Variants in CASZ1 observed in about 807,000 individuals in gnomAD.
CASZ1 encodes castor zinc finger 1.
CASZ1 carries 28 observed loss-of-function variants against 135.2 expected under a neutral mutation model. The ratio of observed to expected loss-of-function variants is 0.21; its 90% confidence interval spans 0.15 to 0.28. The LOEUF (loss-of-function observed/expected upper bound fraction) is 0.28, where lower values mean the gene tolerates loss of function less well. Ranked by LOEUF, CASZ1 falls within the 10% of genes least tolerant of loss-of-function variation. The pLI, the probability that CASZ1 is intolerant of heterozygous loss-of-function variation, is 1.00. For missense variants in CASZ1, 2,161 were observed against 2,453.3 expected (o/e 0.88, Z 2.52); for synonymous variants, 1,068 against 1,073.4 (o/e 0.99, Z 0.10).
chr1:10,763,637 A>G (rs190348756), intron 1 of CASZ1, among the ~76,000 whole-genome samples: 2 of 152,280 alleles, frequency 1.3e-5, no homozygotes, highest in African/African-American at 4.8e-5. Context: ...ATACTGGACT[A>G]AAGTAATTTG....
In CASZ1 at chr1:10,640,068, G is replaced by A. The variant is rs756544841; in HGVS notation, c.4163-9C>T. On this transcript the variant is annotated splice_polypyrimidine_tract_variant and intron_variant, in intron 20 of 20. Transcript: ENST00000377022. ...CATAGAGATGGTGTTCCCTGGGGAG[G>A]GGCAGGGAGGTCAGTGCAGAAGAGG... 3.8e-6 allele frequency: 6 copies of A among 1,599,572 alleles called. No individual in the cohort carries two copies. The highest frequency in any genetic ancestry group is 3.3e-5 in the South Asian group (3 of 90,540).
In CASZ1 at chr1:10,725,047, G is replaced by A. The variant is rs752413257; in HGVS notation, c.-76-19503C>T. ...GGCCGGGAGGGAGCCCACAGAGGACGGAGGGAAGCAGCCCTCGCAGACGTG... is the reference window on the plus strand; with the variant it reads ...GGCCGGGAGGGAGCCCACAGAGGACAGAGGGAAGCAGCCCTCGCAGACGTG... On this transcript the variant is annotated intron_variant, in intron 2 of 20. Coordinates refer to ENST00000377022, the MANE Select transcript of CASZ1 (RefSeq NM_001079843.3). The surrounding 1 kb of genome is among the most constrained non-coding windows in gnomAD (Gnocchi z 4.4). Among the ~76,000 whole-genome samples the A allele has an allele frequency of 2.0e-5, 3 of 152,234 alleles. No individual in the cohort carries two copies. The highest frequency in any genetic ancestry group is 4.4e-5 in the Non-Finnish European group (3 of 68,038).
intron 1 of CASZ1, among the ~76,000 whole-genome samples, chr1:10,790,211 A>G (rs1201235175): frequency 6.6e-6 from 1 of 152,256 alleles, no homozygotes; most frequent in Non-Finnish European, 1.5e-5. Flanking sequence ...GAAAGTGGAC[A>G]GAGAAGAAAC....
rs1643184855 is a variant in CASZ1 at position 10,665,130 on chromosome 1, C to T, written c.458G>A (p.Gly153Glu). Residue 153 changes from glycine (G) to glutamate (E), a missense_variant, in exon 5 of 21, where the codon GGG (glycine) becomes GAG (glutamate). By Grantham distance (98) the Gly-to-Glu change is moderately conservative. Coordinates refer to ENST00000377022, the MANE Select transcript of CASZ1 (RefSeq NM_001079843.3). ...GCCGCTGTCCTCCTTGGAGGCTGCC[C>T]CGTCCGAATCCTTCTCCTCCAGGGC... The part of the protein sequence containing the change: ...GGALEEKDSD[G>E]AASKEDSGPS... The T allele has an allele frequency of 1.3e-6, 2 of 1,521,648 alleles. No individual in the cohort carries two copies. 94.3% of individuals were successfully genotyped at this position (1,521,648 alleles called of 1,614,324 possible).
At chr1:10,645,517 G>A (rs1178863869) in intron 17 of CASZ1, among the ~76,000 whole-genome samples, 2 of 152,174 alleles carry the variant, frequency 1.3e-5, no homozygotes, top group East Asian at 1.9e-4. Context: ...GTGACAGAGC[G>A]AGACTGTCTC....
At chr1:10,673,703 G>A (rs1301857805) in intron 4 of CASZ1, among the ~76,000 whole-genome samples, 2 of 152,214 alleles carry the variant, frequency 1.3e-5, no homozygotes, top group Admixed American at 6.5e-5. Flanking sequence ...ACCATCTGGG[G>A]GGCTCTCACC....
intron 4 of CASZ1, among the ~76,000 whole-genome samples, chr1:10,678,656 T>C (rs551554600): frequency 1.3e-5 from 2 of 152,158 alleles, no homozygotes; most frequent in East Asian, 1.9e-4. Flanking sequence ...CATATTTCCT[T>C]GATTATTTCA....
In CASZ1 at chr1:10,709,886, G is replaced by A. The variant is rs547910552; in HGVS notation, c.-76-4342C>T. ...CGCACAGGCCAGCAGGTGCCCGATC[G>A]AGACAGAGGCCTCGGGAAAGGAGCC... On this transcript the variant is annotated intron_variant, in intron 2 of 20. Coordinates refer to ENST00000377022, the MANE Select transcript of CASZ1 (RefSeq NM_001079843.3). The surrounding 1 kb of genome is among the most constrained non-coding windows in gnomAD (Gnocchi z 5.1). Among the ~76,000 whole-genome samples the A allele has an allele frequency of 6.6e-6, 1 of 152,168 alleles. No individual in the cohort carries two copies. The highest frequency in any genetic ancestry group is 6.5e-5 in the Admixed American group (1 of 15,286).
intron 1 of CASZ1, among the ~76,000 whole-genome samples, chr1:10,795,489 G>GC (rs976996027): frequency 2.0e-5 from 3 of 151,778 alleles, no homozygotes; most frequent in Non-Finnish European, 2.9e-5. Flanking sequence ...ACGCTGCAGA[G>GC]CCCCCCCGGA....
intron 2 of CASZ1, among the ~76,000 whole-genome samples, chr1:10,715,720 C>T (rs868172521): frequency 7.3e-6 from 1 of 136,924 alleles, no homozygotes; most frequent in Non-Finnish European, 1.6e-5. Context: ...GCACCCAATC[C>T]GCTCCCCACA....
rs1375522120 is a variant in CASZ1 at position 10,788,224 on chromosome 1, T to G, written c.-234+8340A>C. 6.6e-6 allele frequency among the ~76,000 whole-genome samples: 1 copy of G among 152,206 alleles called. No individual in the cohort carries two copies. On this transcript the variant is annotated intron_variant, in intron 1 of 20. Coordinates refer to ENST00000377022, the MANE Select transcript of CASZ1 (RefSeq NM_001079843.3). This position sits in a 1 kb window ranked among gnomAD's most constrained non-coding sequence, Gnocchi z 4.1. ...CCTTTGGCTTGGTGAGGGGCATCGC[T>G]ACCTGAGCAGGTGGGGTTCCTCACA... is the stretch of plus-strand genomic sequence containing the variant.
At chr1:10,645,757 A>G (rs1417702327) in intron 17 of CASZ1, among the ~76,000 whole-genome samples, 1 of 152,202 alleles carries the variant, frequency 6.6e-6, no homozygotes, top group African/African-American at 2.4e-5. Context: ...CTTTAAGGTG[A>G]ATCTGATCTG....
chr1:10,657,807 C>CG lies in CASZ1; in HGVS notation c.1409+700dup, dbSNP rs770714087. 1.2e-4 allele frequency among the ~76,000 whole-genome samples: 1 copy of CG among 8,142 alleles called. No homozygotes were observed. Among genetic ancestry groups the CG allele is most frequent in the Non-Finnish European group, 2.5e-4 (1 of 3,988 alleles). 5.3% of individuals were successfully genotyped at this position (8,142 alleles called of 152,430 possible). ...AGGGCAGGCGGTGGGGGGGTGGGGG[C>CG]GGGGGGTGTTATTTGTGTGATTTGG... On this transcript the variant is annotated intron_variant, in intron 7 of 20. Transcript: ENST00000377022. This position sits in a 1 kb window ranked among gnomAD's most constrained non-coding sequence, Gnocchi z 5.7.
At position 10,774,693 on chromosome 1, in the gene CASZ1, C is replaced by T. The variant is rs59959283; in HGVS notation, c.-233-13836G>A. ...GTATCTCCCACCACCTGAGTCAACGCGGACCCCTCTCTTCCCCAAGTGTGA... is the reference window on the plus strand; with the variant it reads ...GTATCTCCCACCACCTGAGTCAACGTGGACCCCTCTCTTCCCCAAGTGTGA... On this transcript the variant is annotated intron_variant, in intron 1 of 20. Coordinates refer to ENST00000377022, the MANE Select transcript of CASZ1 (RefSeq NM_001079843.3). The surrounding 1 kb of genome is among the most constrained non-coding windows in gnomAD (Gnocchi z 4.4). 0.01 allele frequency among the ~76,000 whole-genome samples: 1,566 copies of T among 152,230 alleles called. 29 individuals carry two copies. The highest frequency in any genetic ancestry group is 0.036 in the African/African-American group (1,479 of 41,526).
chr1:10,717,750 G>A lies in CASZ1; in HGVS notation c.-76-12206C>T, dbSNP rs574936209. Among the ~76,000 whole-genome samples, 11 of 152,274 alleles carry A rather than the reference G, an allele frequency of 7.2e-5. No homozygotes were observed. Among genetic ancestry groups the A allele is most frequent in the South Asian group, 2.1e-4 (1 of 4,826 alleles). On this transcript the variant is annotated intron_variant, in intron 2 of 20. Transcript: ENST00000377022. The surrounding 1 kb of genome is among the most constrained non-coding windows in gnomAD (Gnocchi z 4.6). Reference sequence around the variant, plus strand: ...GGCACCCTGAACTCGGTCCCAGGGCGTGGCATGGGGCTTCCTGACCCAACT... The same window carrying A: ...GGCACCCTGAACTCGGTCCCAGGGCATGGCATGGGGCTTCCTGACCCAACT...
At chr1:10,660,926 C>T (rs770319236) in intron 5 of CASZ1, 7 of 224,810 alleles carry the variant, frequency 3.1e-5, no homozygotes, top group Middle Eastern at 1.8e-3. Flanking sequence ...GGACAGGGAG[C>T]GGCAAGAACC....
At chr1:10,790,522 C>T (rs1359178162) in intron 1 of CASZ1, among the ~76,000 whole-genome samples, 3 of 152,174 alleles carry the variant, frequency 2.0e-5, no homozygotes, top group East Asian at 1.9e-4. Context: ...ATTACAACTC[C>T]GCTGGAGTCT....
rs1570600587 is a variant in CASZ1, at chr1:10,794,754, A to C, written c.-234+1810T>G. Among the ~76,000 whole-genome samples, 1 of 152,328 alleles carries C rather than the reference A, an allele frequency of 6.6e-6. No individual in the cohort carries two copies. Among genetic ancestry groups the C allele is most frequent in the East Asian group, 1.9e-4 (1 of 5,184 alleles). On this transcript the variant is annotated intron_variant, in intron 1 of 20. Transcript: ENST00000377022. The surrounding 1 kb of genome is among the most constrained non-coding windows in gnomAD (Gnocchi z 5.6). ...CCTTAGAGAAAAATCTATTATTATTATCTTAATCTACGCCCCCAAAGTGTC... is the reference window on the plus strand; with the variant it reads ...CCTTAGAGAAAAATCTATTATTATTCTCTTAATCTACGCCCCCAAAGTGTC...
At position 10,732,800 on chromosome 1, in the gene CASZ1, C is replaced by T. The variant is rs74052180; in HGVS notation, c.-76-27256G>A. ...GGTGAGGTAACACTGCCCTGGGCCA[C>T]ACTTGCCCCATCAGGGCATAAGGAG... On this transcript the variant is annotated intron_variant, in intron 2 of 20. Coordinates refer to ENST00000377022, the MANE Select transcript of CASZ1 (RefSeq NM_001079843.3). 3.0e-3 allele frequency among the ~76,000 whole-genome samples: 463 copies of T among 152,340 alleles called. 1 individual carries two copies. Among genetic ancestry groups the T allele is most frequent in the African/African-American group, 0.011 (450 of 41,564 alleles).
Sources: gnomAD v4.1 joint callset for allele counts (sites outside exome capture counted in the v4.1 genomes callset) on GRCh38, gnomAD v4.1.1 for gene constraint, Gnocchi (gnomAD v3.1) non-coding constraint, MANE v1.5 for transcripts, NCBI Gene and HGNC (gene_info 2026-07-23, HGNC 2026-07-21) for gene names.